The following CEP95 variants were observed in gnomAD, a reference collection of about 807,000 sequenced individuals.
CEP95 encodes the protein centrosomal protein 95, also known as centrosomal protein of 95 kDa.
A neutral mutation model predicts 111.2 loss-of-function variants in CEP95; 98 were observed. The ratio of observed to expected loss-of-function variants is 0.88; its 90% CI spans 0.75 to 1.04. The LOEUF (loss-of-function observed/expected upper bound fraction) is 1.04, where lower values mean the gene tolerates loss of function less well. CEP95 is among the 50% of genes least tolerant of loss of function. The probability of loss-of-function intolerance (pLI) is 0.00; values close to 1 mark genes in which losing one functional copy is unlikely to be tolerated. For synonymous variants in CEP95, 323 were observed against 327.1 expected (o/e 0.99, Z 0.14); for missense variants, 1,027 against 977.2 (o/e 1.05, Z -0.68).
rs781882294 is a variant in CEP95, at chr17:64,537,094, A to G, written c.2271A>G (p.Arg757=). Residue 757 remains arginine (R), a synonymous_variant, in exon 19 of 20, where the codon AGA becomes AGG. Transcript: ENST00000556440. ...ISQEHQELKA[R]EKSQAQTLHK... is the part of the protein sequence containing the mutation. Reference sequence around the variant, plus strand: ...AGGAACATCAAGAACTTAAAGCCAGAGAGAAATCTCAGGCCCAGGTAATAA... The same window carrying G: ...AGGAACATCAAGAACTTAAAGCCAGGGAGAAATCTCAGGCCCAGGTAATAA... 2 of 1,613,000 alleles carry G rather than the reference A, an allele frequency of 1.2e-6. No homozygotes were observed. The highest frequency in any genetic ancestry group is 1.7e-6 in the Non-Finnish European group (2 of 1,179,514).
At chr17:64,531,795 C>G in intron 13 of CEP95, 95 bp from the exon 14 acceptor site, 1 of 896,318 alleles carries the variant, frequency 1.1e-6, no homozygotes, top group East Asian at 3.1e-5. Context: ...AAAAAACTAC[C>G]GTTAGCTGTT....
chr17:64,516,344 G>C (rs538009069), intron 4 of CEP95, among the ~76,000 whole-genome samples: 1 of 152,176 alleles, frequency 6.6e-6, no homozygotes, highest in African/African-American at 2.4e-5. Context: ...GCCTGACTCA[G>C]CCTAAGGCAT....
In CEP95 at chr17:64,532,757, C is replaced by A. The variant is rs190755881; in HGVS notation, c.1673-82C>A. 3,571 of 1,504,078 alleles carry A rather than the reference C, an allele frequency of 2.4e-3. 12 individuals are homozygous for A. The highest frequency in any genetic ancestry group is 2.5e-3 in the Non-Finnish European group (2,847 of 1,130,574). The allele number at this position is 1,504,078 out of a possible 1,614,324, so 93.2% of individuals were successfully genotyped here. On this transcript the variant is annotated intron_variant, in intron 14 of 19. Transcript: ENST00000556440. ...TTCAGGATCAAAACCACATCACTTACATAAGCTTTGATCTACCAGGGATGT... is the reference window on the plus strand; with the variant it reads ...TTCAGGATCAAAACCACATCACTTAAATAAGCTTTGATCTACCAGGGATGT...
rs1555678285 is a variant in CEP95 at position 64,522,827 on chromosome 17, G to T, written c.841G>T (p.Glu281Ter). Residue 281 changes from glutamate (E) to a stop codon, truncating the protein, a stop_gained, in exon 8 of 20, where the codon GAA (glutamate) becomes TAA (stop). Transcript: ENST00000556440. LOFTEE classifies it high-confidence loss of function. ...EPRAPCPIGK[E>*]YLHSSHCSPA... ...TCGAGCACCCTGCCCCATAGGAAAA[G>T]AATACTTGCATTCAAGTCACTGCTC... 2 of 1,613,632 alleles carry T rather than the reference G, an allele frequency of 1.2e-6. No individual in the cohort carries two copies. Among genetic ancestry groups the T allele is most frequent in the East Asian group, 2.2e-5 (1 of 44,856 alleles).
At chr17:64,507,980 C>T (rs1160455360) in intron 1 of CEP95, 1 of 985,242 alleles carries the variant, frequency 1.0e-6, no homozygotes, top group East Asian at 1.1e-4. Flanking sequence ...ATTGATAATT[C>T]TGAGCTTCAT....
chr17:64,519,560 C>T, intron 6 of CEP95, 124 bp downstream of exon 6: 1 of 655,346 alleles, frequency 1.5e-6, no homozygotes, highest in South Asian at 2.1e-5. Context: ...ATTTGAAATT[C>T]CAGAATATCC....
intron 11 of CEP95, 53 bp downstream of exon 11, chr17:64,527,317 C>T: frequency 1.5e-6 from 2 of 1,379,048 alleles, no homozygotes; most frequent in East Asian, 2.5e-5. Context: ...ACTACTTAGG[C>T]AGTTCCATCT....
intron 3 of CEP95, among the ~76,000 whole-genome samples, chr17:64,511,302 C>T (rs1221518730): frequency 1.3e-5 from 2 of 152,056 alleles, no homozygotes; most frequent in Admixed American, 6.5e-5. Context: ...AGCCTGGGAG[C>T]GATATGGGAG....
At position 64,507,009 on chromosome 17, in the gene CEP95, C is replaced by A; in HGVS notation, c.-89C>A. On this transcript the variant is annotated 5_prime_UTR_variant, in exon 1 of 20. Transcript: ENST00000556440. The stretch of plus-strand genomic sequence containing the variant: ...GCGCTTTGGTTCGTGCGTCCGCGCC[C>A]CAGTGTCGGGTCTGCGTGGATCGGT... The A allele has an allele frequency of 6.8e-7, 1 of 1,473,558 alleles. No homozygotes were observed. The highest frequency in any genetic ancestry group is 9.3e-7 in the Non-Finnish European group (1 of 1,076,664). The allele number at this position is 1,473,558 out of a possible 1,614,324, so 91.3% of individuals were successfully genotyped here.
rs782475306 is a variant in CEP95, at chr17:64,508,718, C to T, written c.146C>T (p.Pro49Leu). 3.6e-6 allele frequency: 5 copies of T among 1,393,554 alleles called. No individual in the cohort carries two copies. Among genetic ancestry groups the T allele is most frequent in the Non-Finnish European group, 4.7e-6 (5 of 1,062,772 alleles). 86.3% of individuals were successfully genotyped at this position (1,393,554 alleles called of 1,614,324 possible). The change falls in exon 2 of 20, where the codon CCA becomes CTA. Residue 49 changes from proline (P) to leucine (L), a missense_variant and splice_region_variant. Pro to Leu is a moderately conservative substitution (Grantham distance 98). Transcript: ENST00000556440. ...CAGTCTATTTTGGGAGAAAAGGTAC[C>T]AGGTAAGAATACTAAAAGCAGGAGT... ...LYQSILGEKVPDLIVIPRSQE... is the reference protein window; with the variant it reads ...LYQSILGEKVLDLIVIPRSQE...
At chr17:64,510,039 T>G (rs1381502454) in intron 2 of CEP95, 134 bp from the exon 3 acceptor site, 1 of 618,702 alleles carries the variant, frequency 1.6e-6, no homozygotes, top group African/African-American at 1.8e-5. Flanking sequence ...TAACTTTATC[T>G]GTACTTTACA....
At position 64,516,658 on chromosome 17, in the gene CEP95, C is replaced by T. The variant is rs1375056625; in HGVS notation, c.368-65C>T. 7 of 982,004 alleles carry T rather than the reference C, an allele frequency of 7.1e-6. No homozygotes were observed. In the African/African-American group the frequency reaches 1.1e-4, roughly 16 times the overall value. 60.8% of individuals were successfully genotyped at this position (982,004 alleles called of 1,614,324 possible). On this transcript the variant is annotated intron_variant, in intron 4 of 19. Transcript: ENST00000556440. ...TCACTGTCCTTACCTTTCCCTGCCTCTTACATAGAAAAAGTAGTATTCACT... is the reference window on the plus strand; with the variant it reads ...TCACTGTCCTTACCTTTCCCTGCCTTTTACATAGAAAAAGTAGTATTCACT...
At chr17:64,527,891 T>TATATACAC (rs1555679494) in intron 11 of CEP95, among the ~76,000 whole-genome samples, 4 of 141,514 alleles carry the variant, frequency 2.8e-5, no homozygotes, top group African/African-American at 1.1e-4. Flanking sequence ...TATATATATA[T>TATATACAC]ACACACACAC....
chr17:64,507,994 C>T (rs1185165235), intron 1 of CEP95: 14 of 985,184 alleles, frequency 1.4e-5, no homozygotes, highest in Non-Finnish European at 1.7e-5. Context: ...GCTTCATGTA[C>T]TTCCCATATT....
At chr17:64,534,865 G>A (rs1968545159) in intron 17 of CEP95, 128 bp downstream of exon 17, 2 of 1,086,106 alleles carry the variant, frequency 1.8e-6, no homozygotes, top group South Asian at 2.7e-5. Context: ...CTATAGTGCT[G>A]GCCCTGAGTT....
chr17:64,537,266 A>AT, intron 19 of CEP95, 154 bp downstream of exon 19: 2 of 1,409,654 alleles, frequency 1.4e-6, no homozygotes, highest in Non-Finnish European at 1.9e-6. Context: ...GTACACTGAC[A>AT]TTTTGCACAA....
intron 3 of CEP95, 145 bp downstream of exon 3, chr17:64,510,425 G>A: frequency 1.6e-6 from 1 of 609,048 alleles, no homozygotes; most frequent in South Asian, 2.0e-5. Flanking sequence ...AACTGATAGA[G>A]GTCAGGTCCA....
At position 64,510,170 on chromosome 17, in the gene CEP95, C is replaced by CT; in HGVS notation, c.149-3_149-2insT. 6.3e-7 allele frequency: 1 copy of CT among 1,577,202 alleles called. No individual in the cohort carries two copies. The highest frequency in any genetic ancestry group is 8.7e-7 in the Non-Finnish European group (1 of 1,150,362). ...AAAATTATGTGATTTTTTCCCCCCC[C>CT]AGACCTCATAGTTATTCCTAGGAGT... On this transcript the variant is annotated splice_region_variant and splice_polypyrimidine_tract_variant and intron_variant, in intron 2 of 19. Coordinates refer to ENST00000556440, the MANE Select transcript of CEP95 (RefSeq NM_138363.3).
Position 64,533,122 on chromosome 17 carries a change from A to G in CEP95, c.1848A>G (p.Glu616=), listed in dbSNP as rs200736203. The change falls in exon 16 of 20, where the codon GAA becomes GAG. Residue 616 remains glutamate, a synonymous_variant. Coordinates refer to ENST00000556440, the MANE Select transcript of CEP95 (RefSeq NM_138363.3). The part of the protein sequence containing the change: ...RSKKKLQDEI[E]EALRRHDLLT... ...ACTTCATGTCCCCCTTCAAGATAGA[A>G]GAAGCCCTAAGAAGGCATGACCTCC... 21 of 1,603,914 alleles carry G rather than the reference A, an allele frequency of 1.3e-5. 1 individual carries two copies. In the East Asian group the frequency reaches 4.7e-4, roughly 36 times the overall value.
Sources: gnomAD v4.1 joint callset for allele counts (sites outside exome capture counted in the v4.1 genomes callset) on GRCh38, gnomAD v4.1.1 for gene constraint, MANE v1.5 for transcripts, NCBI Gene and HGNC (gene_info 2026-07-23, HGNC 2026-07-21) for gene names.